SNX29: variants seen among roughly 807,000 people sequenced by gnomAD.
The protein encoded by SNX29 is sorting nexin-29.
SNX29 carries 78 observed loss-of-function variants against 102.1 expected under a neutral mutation model. The observed-to-expected ratio is 0.76, with a 90% CI of 0.64 to 0.92. The LOEUF is 0.92. Among genes scored for constraint, SNX29 ranks in the 40% least tolerant of loss-of-function variants. SNX29 has a pLI of 0.00. For synonymous variants in SNX29, 580 were observed against 414.5 expected, an observed-to-expected ratio of 1.40 and a Z score of -4.85; for missense variants, 1,280 against 1,061.7, an observed-to-expected ratio of 1.21 and a Z score of -2.86.
At chr16:12,494,999 C>A (rs774150699) in intron 19 of SNX29, among the ~76,000 whole-genome samples, 1 of 152,280 alleles carries the variant, frequency 6.6e-6, no homozygotes, top group South Asian at 2.1e-4. Flanking sequence ...TCCCTGGGGC[C>A]GAGGAGTTAG....
At chr16:12,195,518 C>G (rs1466034775) in intron 13 of SNX29, among the ~76,000 whole-genome samples, 1 of 152,218 alleles carries the variant, frequency 6.6e-6, no homozygotes, top group African/African-American at 2.4e-5. Flanking sequence ...GAAGCTTGAG[C>G]TCCATAACTC....
intron 13 of SNX29, among the ~76,000 whole-genome samples, chr16:12,165,876 C>A (rs182649024): frequency 1.1e-4 from 17 of 152,352 alleles, no homozygotes; most frequent in African/African-American, 3.8e-4. Flanking sequence ...ACTTTGATTC[C>A]CTTCTGACTG....
chr16:12,494,893 A>G (rs1035682262), intron 19 of SNX29, among the ~76,000 whole-genome samples: 12 of 152,202 alleles, frequency 7.9e-5, no homozygotes, highest in African/African-American at 2.7e-4. Context: ...CAGTGGCACC[A>G]TCTTAATAAG....
intron 15 of SNX29, among the ~76,000 whole-genome samples, chr16:12,319,123 G>A (rs577914190): frequency 1.3e-4 from 20 of 152,266 alleles, no homozygotes; most frequent in South Asian, 1.2e-3. Flanking sequence ...GGCACAACTA[G>A]GGGTGGGCTT....
At chr16:11,988,218 C>T (rs375223) in intron 1 of SNX29, among the ~76,000 whole-genome samples, 114,024 of 150,710 alleles carry the variant, frequency 0.76, 44,121 homozygotes, top group Non-Finnish European at 0.84. Flanking sequence ...CACTTGAACC[C>T]GGGAGGCAGA....
intron 14 of SNX29, among the ~76,000 whole-genome samples, chr16:12,236,950 G>C (rs2077953308): frequency 6.6e-6 from 1 of 152,228 alleles, no homozygotes; most frequent in Non-Finnish European, 1.5e-5. Context: ...CGGGTGGGGA[G>C]TAAAGGCACT....
chr16:11,978,337 G>C (rs1432990498), intron 1 of SNX29, among the ~76,000 whole-genome samples: 2 of 152,232 alleles, frequency 1.3e-5, no homozygotes, highest in African/African-American at 4.8e-5. Context: ...CCTGAGGCCA[G>C]ACATCCTGGG....
Position 12,153,466 on chromosome 16 carries a change from A to C in SNX29, c.1595+23708A>C, listed in dbSNP as rs567258432. Among the ~76,000 whole-genome samples the C allele has an allele frequency of 1.1e-3, 170 of 150,580 alleles. 1 individual carries two copies. The highest frequency in any genetic ancestry group is 3.4e-3 in the African/African-American group (139 of 41,152). Reference sequence around the variant, plus strand: ...CTCCCTCTGAATCTTTGTCTCAAAAAAAAAAACAAAAAACAAAAAACAAAA... The same window carrying C: ...CTCCCTCTGAATCTTTGTCTCAAAACAAAAAACAAAAAACAAAAAACAAAA... On this transcript the variant is annotated intron_variant, in intron 13 of 20. Coordinates refer to ENST00000566228, the MANE Select transcript of SNX29 (RefSeq NM_032167.5).
intron 18 of SNX29, among the ~76,000 whole-genome samples, chr16:12,445,440 G>C (rs1424067307): frequency 6.6e-6 from 1 of 152,176 alleles, no homozygotes; most frequent in African/African-American, 2.4e-5. Flanking sequence ...CATCTCCCCA[G>C]GAGGCTGGGG....
At chr16:12,049,631 C>A (rs1294745267) in intron 7 of SNX29, among the ~76,000 whole-genome samples, 1 of 151,556 alleles carries the variant, frequency 6.6e-6, no homozygotes, top group Non-Finnish European at 1.5e-5. Flanking sequence ...CTGTGCCCAG[C>A]CTGTTTTTAA....
At chr16:12,151,650 A>G (rs1298192116) in intron 13 of SNX29, among the ~76,000 whole-genome samples, 1 of 151,870 alleles carries the variant, frequency 6.6e-6, no homozygotes, top group South Asian at 2.1e-4. Flanking sequence ...GTGGTCCTCC[A>G]CCTCAGTCAT....
rs2151504790 is a variant in SNX29, at chr16:12,401,586, A to C, written c.1956-1862A>C. ...ACCATCTTGGCCAGGCTGGTCTCGA[A>C]CTCCTGACCTCAGATGATCCACCTT... is the stretch of plus-strand genomic sequence containing the variant. On this transcript the variant is annotated intron_variant, in intron 17 of 20. Coordinates refer to ENST00000566228, the MANE Select transcript of SNX29 (RefSeq NM_032167.5). Among the ~76,000 whole-genome samples the C allele has an allele frequency of 2.0e-5, 3 of 151,538 alleles. 1 individual carries two copies. The South Asian group carries it at 6.3e-4, about 32-fold the overall frequency.
chr16:12,270,728 G>T (rs1269814371), intron 14 of SNX29, among the ~76,000 whole-genome samples: 6 of 151,924 alleles, frequency 3.9e-5, no homozygotes, highest in African/African-American at 1.5e-4. Context: ...TCACTTCATG[G>T]TCTAACTCAG....
intron 14 of SNX29, among the ~76,000 whole-genome samples, chr16:12,268,734 G>C (rs929573762): frequency 3.9e-5 from 6 of 152,116 alleles, no homozygotes; most frequent in Admixed American, 3.3e-4. Flanking sequence ...TTCGTCATCA[G>C]CATCTCACAC....
intron 13 of SNX29, among the ~76,000 whole-genome samples, chr16:12,142,096 C>A (rs1158676242): frequency 6.6e-6 from 1 of 152,204 alleles, no homozygotes; most frequent in Non-Finnish European, 1.5e-5. Context: ...TTTTTCAAGA[C>A]CATTTACAAA....
intron 1 of SNX29, among the ~76,000 whole-genome samples, chr16:11,987,574 A>C (rs1596532554): frequency 6.6e-6 from 1 of 151,762 alleles, no homozygotes; most frequent in Non-Finnish European, 1.5e-5. Flanking sequence ...TTTTTGTATT[A>C]TTAGTAAAGA....
chr16:12,182,686 T>C (rs1386277535), intron 13 of SNX29, among the ~76,000 whole-genome samples: 1 of 152,010 alleles, frequency 6.6e-6, no homozygotes, highest in African/African-American at 2.4e-5. Context: ...TCCCAGCACT[T>C]TGGGACGCTG....
intron 15 of SNX29, among the ~76,000 whole-genome samples, chr16:12,332,908 C>A (rs535090792): frequency 6.6e-6 from 1 of 152,216 alleles, no homozygotes; most frequent in East Asian, 1.9e-4. Flanking sequence ...CACTTCTCTC[C>A]TGGGCCCGCT....
At chr16:12,223,186 C>A (rs889688661) in intron 14 of SNX29, among the ~76,000 whole-genome samples, 3 of 152,296 alleles carry the variant, frequency 2.0e-5, no homozygotes, top group East Asian at 3.9e-4. Flanking sequence ...GGGCAAGTTA[C>A]ATACCCTCCC....
Sources: gnomAD v4.1 joint callset for allele counts (sites outside exome capture counted in the v4.1 genomes callset) on GRCh38, gnomAD v4.1.1 for gene constraint, MANE v1.5 for transcripts, NCBI Gene and HGNC (gene_info 2026-07-23, HGNC 2026-07-21) for gene names.